CELF2: variants seen among roughly 807,000 people sequenced by gnomAD.
CELF2 encodes the protein CUG triplet repeat RNA-binding protein 2.
Under a neutral mutation model 62.6 loss-of-function variants are expected in CELF2, and 8 were observed. That is an observed-to-expected ratio of 0.13 (90% CI 0.07 to 0.23). CELF2 has a LOEUF of 0.23. Ranked by LOEUF, CELF2 falls within the 10% of genes least tolerant of loss-of-function variation. The probability of loss-of-function intolerance (pLI) is 1.00; values close to 1 mark genes in which losing one functional copy is unlikely to be tolerated. For synonymous variants in CELF2, 258 were observed against 250.0 expected (o/e 1.03, Z -0.30); for missense variants, 333 against 671.0 (o/e 0.50, Z 5.56).
At chr10:10,860,815 A>C (rs996199528) in intron 1 of CELF2, among the ~76,000 whole-genome samples, 3 of 152,184 alleles carry the variant, frequency 2.0e-5, no homozygotes, top group African/African-American at 7.2e-5. Context: ...GTGATGAGGC[A>C]TTTGCCTTAT....
chr10:11,329,848 A>T lies in CELF2; in HGVS notation c.*795A>T, dbSNP rs2095951725. On this transcript the variant is annotated 3_prime_UTR_variant, in exon 13 of 13. Transcript: ENST00000633077. This position sits in a 1 kb window ranked among gnomAD's most constrained non-coding sequence, Gnocchi z 5.5. The stretch of plus-strand genomic sequence containing the variant: ...AAATTTAATAATAATAAATAAATAC[A>T]TAAATACATAAATAAAAAAGAAAGC... 6.6e-6 allele frequency: 1 copy of T among 151,962 alleles called. No homozygotes were observed. The highest frequency in any genetic ancestry group is 2.1e-4 in the South Asian group (1 of 4,834). The allele number at this position is 151,962 out of a possible 1,614,324, so 9.4% of individuals were successfully genotyped here.
chr10:11,153,782 C>A (rs2063777487), intron 1 of CELF2, among the ~76,000 whole-genome samples: 1 of 152,200 alleles, frequency 6.6e-6, no homozygotes, highest in Non-Finnish European at 1.5e-5. Flanking sequence ...CCTAAACTGG[C>A]ATCTTGTGGT....
chr10:10,493,512 T>C, the CELF2 span, among the ~76,000 whole-genome samples: 1 of 59,030 alleles, frequency 1.7e-5, no homozygotes, highest in Non-Finnish European at 3.0e-5. Context: ...TTTGTTTGGA[T>C]TTTGGGCGTT....
rs552769788 is a variant in CELF2 at position 11,110,775 on chromosome 10, C to A, written c.75-54711C>A. On this transcript the variant is annotated intron_variant, in intron 1 of 12. Coordinates refer to ENST00000633077, the MANE Select transcript of CELF2 (RefSeq NM_001326342.2). The surrounding 1 kb of genome is among the most constrained non-coding windows in gnomAD (Gnocchi z 4.0). ...CAGTGTGCCCACGGGAGGCCTCATCCGGGGGCAGTTTCTGCTTGTCAAGGA... is the reference window on the plus strand; with the variant it reads ...CAGTGTGCCCACGGGAGGCCTCATCAGGGGGCAGTTTCTGCTTGTCAAGGA... 2.0e-5 allele frequency among the ~76,000 whole-genome samples: 3 copies of A among 152,066 alleles called. No homozygotes were observed. Among genetic ancestry groups the A allele is most frequent in the Non-Finnish European group, 4.4e-5 (3 of 68,006 alleles).
At chr10:10,871,620 G>T (rs1369205615) in intron 1 of CELF2, among the ~76,000 whole-genome samples, 4 of 152,084 alleles carry the variant, frequency 2.6e-5, no homozygotes, top group Non-Finnish European at 4.4e-5. Context: ...AGGAGGAAGA[G>T]GAGGAGGGAA....
chr10:10,715,951 A>G, the CELF2 span, among the ~76,000 whole-genome samples: 10 of 152,180 alleles, frequency 6.6e-5, no homozygotes, highest in African/African-American at 2.4e-4. Context: ...TGTTCTTTTG[A>G]CATCACCTGA....
the CELF2 span, among the ~76,000 whole-genome samples, chr10:10,504,183 G>T: frequency 1.3e-5 from 2 of 152,016 alleles, no homozygotes; most frequent in Admixed American, 1.3e-4. Context: ...GTTCCTTCCT[G>T]ATGTCCTGAT....
intron 1 of CELF2, among the ~76,000 whole-genome samples, chr10:11,105,111 C>T (rs77211831): frequency 0.044 from 6,677 of 152,222 alleles, 213 homozygotes; most frequent in Non-Finnish European, 0.067. Flanking sequence ...TTGGGTTATC[C>T]GATGGGAAAT....
chr10:10,908,235 T>TTTTTTTTTG (rs2063509932), intron 1 of CELF2, among the ~76,000 whole-genome samples: 2 of 143,936 alleles, frequency 1.4e-5, no homozygotes, highest in Admixed American at 7.0e-5. Flanking sequence ...TTTTTTTTTT[T>TTTTTTTTTG]TTGAAACAGA....
At chr10:11,051,369 C>T (rs1291586016) in intron 1 of CELF2, among the ~76,000 whole-genome samples, 1 of 152,048 alleles carries the variant, frequency 6.6e-6, no homozygotes, top group Non-Finnish European at 1.5e-5. Flanking sequence ...TTTGATTATC[C>T]ACCTATGTAT....
Position 11,197,052 on chromosome 10 carries a change from A to AGAAAGAAAGAAAGAAG in CELF2, c.272-20365_272-20364insGAAAGAAGGAAAGAAA, listed in dbSNP as rs2058030301. Among the ~76,000 whole-genome samples the AGAAAGAAAGAAAGAAG allele has an allele frequency of 1.2e-3, 38 of 31,684 alleles. 4 individuals carry two copies. Among genetic ancestry groups the AGAAAGAAAGAAAGAAG allele is most frequent in the African/African-American group, 4.5e-3 (35 of 7,826 alleles). The allele number at this position is 31,684 out of a possible 152,430, so 20.8% of individuals were successfully genotyped here. The stretch of plus-strand genomic sequence containing the variant: ...AAGAAAGAAAGAAAGAAAGAAAGAA[A>AGAAAGAAAGAAAGAAG]GAAAGAAAAGAAAGAAAGGAAAGAA... On this transcript the variant is annotated intron_variant, in intron 2 of 12. Coordinates refer to ENST00000633077, the MANE Select transcript of CELF2 (RefSeq NM_001326342.2).
At chr10:10,960,991 G>A (rs367609232) in intron 2 of CELF2, among the ~76,000 whole-genome samples, 19 of 152,292 alleles carry the variant, frequency 1.2e-4, no homozygotes, top group African/African-American at 3.6e-4. Flanking sequence ...AGGATGAGAC[G>A]GCTGTCATTG....
intron 2 of CELF2, among the ~76,000 whole-genome samples, chr10:11,183,246 C>T (rs2073964084): frequency 6.6e-6 from 1 of 152,180 alleles, no homozygotes; most frequent in South Asian, 2.1e-4. Context: ...GATCTGGCTT[C>T]CTTTGCTCAG....
the CELF2 span, among the ~76,000 whole-genome samples, chr10:10,791,152 T>C: frequency 4.6e-5 from 7 of 152,172 alleles, no homozygotes; most frequent in Non-Finnish European, 5.9e-5. Flanking sequence ...TCTGTCTCAA[T>C]TGTTTAGTGA....
At chr10:11,205,116 G>C (rs758697646) in intron 2 of CELF2, among the ~76,000 whole-genome samples, 16 of 152,188 alleles carry the variant, frequency 1.1e-4, no homozygotes, top group Non-Finnish European at 2.1e-4. Context: ...GATGTTCAGA[G>C]TATTCAAAGG....
intron 1 of CELF2, among the ~76,000 whole-genome samples, chr10:10,834,067 G>T (rs575535080): frequency 6.6e-6 from 1 of 152,274 alleles, no homozygotes; most frequent in Admixed American, 6.5e-5. Context: ...CAACCTAAAT[G>T]TCCATCAGTA....
intron 1 of CELF2, among the ~76,000 whole-genome samples, chr10:10,907,457 A>AT (rs1327125637): frequency 1.3e-5 from 2 of 152,246 alleles, no homozygotes; most frequent in Non-Finnish European, 2.9e-5. Flanking sequence ...TAAAAGCTGT[A>AT]ATTGTTCTTA....
chr10:10,467,452 C>G, the CELF2 span, among the ~76,000 whole-genome samples: 4 of 151,950 alleles, frequency 2.6e-5, no homozygotes, highest in Non-Finnish European at 5.9e-5. Context: ...TTTATTCTTT[C>G]ACTAGTTCCA....
chr10:10,774,125 A>C, the CELF2 span, among the ~76,000 whole-genome samples: 1 of 152,194 alleles, frequency 6.6e-6, no homozygotes, highest in East Asian at 1.9e-4. Context: ...ATTTCCATAA[A>C]GGATTTCTTT....
Sources: gnomAD v4.1 joint callset for allele counts (sites outside exome capture counted in the v4.1 genomes callset) on GRCh38, gnomAD v4.1.1 for gene constraint, Gnocchi (gnomAD v3.1) non-coding constraint, MANE v1.5 for transcripts, NCBI Gene and HGNC (gene_info 2026-07-23, HGNC 2026-07-21) for gene names.